Variants in NFIA observed in about 807,000 individuals in gnomAD.
NFIA encodes nuclear factor I A.
NFIA carries 8 observed loss-of-function variants against 62.8 expected under a neutral mutation model. That is an observed-to-expected ratio of 0.13 (90% CI 0.07 to 0.23). The LOEUF is 0.23. NFIA is among the 10% of genes least tolerant of loss of function. The pLI is 1.00. For synonymous variants in NFIA, 235 were observed against 238.1 expected (o/e 0.99, Z 0.12); for missense variants, 410 against 642.1 (o/e 0.64, Z 3.91).
intron 2 of NFIA, among the ~76,000 whole-genome samples, chr1:61,128,203 T>A (rs1333092381): frequency 1.3e-5 from 2 of 152,062 alleles, no homozygotes; most frequent in Admixed American, 1.3e-4. Flanking sequence ...CCTGCCTCAG[T>A]CTCCCAAAGT....
chr1:61,316,603 C>T (rs986310369), intron 3 of NFIA, among the ~76,000 whole-genome samples: 1 of 152,136 alleles, frequency 6.6e-6, no homozygotes, highest in African/African-American at 2.4e-5. Context: ...ATGCTGATAA[C>T]CCTGATGAGA....
At chr1:61,368,288 C>T (rs191709307) in intron 6 of NFIA, among the ~76,000 whole-genome samples, 3 of 152,150 alleles carry the variant, frequency 2.0e-5, no homozygotes, top group Non-Finnish European at 2.9e-5. Flanking sequence ...GTACAGCCCC[C>T]GTGGCTCAGG....
At chr1:61,137,810 T>G (rs538120652) in intron 2 of NFIA, among the ~76,000 whole-genome samples, 1 of 152,360 alleles carries the variant, frequency 6.6e-6, no homozygotes, top group South Asian at 2.1e-4. Context: ...CTCTTGCTTG[T>G]TTGGAAGAAG....
chr1:61,287,666 A>C (rs180867060), intron 3 of NFIA, among the ~76,000 whole-genome samples: 6,807 of 147,928 alleles, frequency 0.046, 160 homozygotes, highest in East Asian at 0.1. Context: ...ACCCCCCCCA[A>C]AAAAAACAAG....
rs1227031221 is a variant in NFIA at position 61,123,625 on chromosome 1, A to G, written c.559+34945A>G. On this transcript the variant is annotated intron_variant, in intron 2 of 10. Coordinates refer to ENST00000403491, the MANE Select transcript of NFIA (RefSeq NM_001134673.4). The stretch of plus-strand genomic sequence containing the variant: ...ATGGAAAGGCTCCATATTCTAGATG[A>G]ATGCATGCTTCCTCTTATGACTCTG... Among the ~76,000 whole-genome samples the G allele has an allele frequency of 2.0e-5, 3 of 152,204 alleles. 1 individual carries two copies. The highest frequency in any genetic ancestry group is 2.9e-5 in the Non-Finnish European group (2 of 68,030).
chr1:61,362,938 G>A (rs1434884279), intron 6 of NFIA, among the ~76,000 whole-genome samples: 3 of 152,182 alleles, frequency 2.0e-5, no homozygotes. Context: ...AATTGATAAT[G>A]CAGATAAACA....
intron 2 of NFIA, among the ~76,000 whole-genome samples, chr1:61,235,259 G>C (rs1004871717): frequency 7.2e-5 from 11 of 151,916 alleles, no homozygotes; most frequent in African/African-American, 2.7e-4. Flanking sequence ...TCAGGAGATC[G>C]AGACCATCCT....
At chr1:61,331,158 G>A (rs1661281092) in intron 3 of NFIA, among the ~76,000 whole-genome samples, 1 of 152,056 alleles carries the variant, frequency 6.6e-6, no homozygotes, top group Admixed American at 6.6e-5. Context: ...ATTTCAAAAA[G>A]CCATTTACAA....
At chr1:61,197,726 A>C (rs188221170) in intron 2 of NFIA, among the ~76,000 whole-genome samples, 72 of 152,014 alleles carry the variant, frequency 4.7e-4, no homozygotes, top group Non-Finnish European at 2.5e-4. Flanking sequence ...TCATGCCTGT[A>C]ATCCCAGCAC....
intron 2 of NFIA, among the ~76,000 whole-genome samples, chr1:61,258,262 A>C (rs569244745): frequency 6.6e-6 from 1 of 152,350 alleles, no homozygotes; most frequent in South Asian, 2.1e-4. Flanking sequence ...TTGTGTATAC[A>C]TCATGCCAAA....
At chr1:61,452,994 T>C (rs1266283202) in intron 10 of NFIA, among the ~76,000 whole-genome samples, 3 of 152,076 alleles carry the variant, frequency 2.0e-5, no homozygotes, top group African/African-American at 7.2e-5. Flanking sequence ...CATGCAAATA[T>C]CCACCCCCCA....
chr1:61,333,945 A>C (rs1431059814), intron 4 of NFIA, among the ~76,000 whole-genome samples: 1 of 152,200 alleles, frequency 6.6e-6, no homozygotes, highest in East Asian at 1.9e-4. Flanking sequence ...GGTTGCAGTG[A>C]GCTGAGATCA....
In NFIA at chr1:61,405,536, G is replaced by A. The variant is rs373608499; in HGVS notation, c.1255-1026G>A. Reference sequence around the variant, plus strand: ...TGGGACAGCAGAATCTCCTTCAACCGAATTTTGATTGGGGACTAAATGTGA... The same window carrying A: ...TGGGACAGCAGAATCTCCTTCAACCAAATTTTGATTGGGGACTAAATGTGA... On this transcript the variant is annotated intron_variant, in intron 8 of 10. Coordinates refer to ENST00000403491, the MANE Select transcript of NFIA (RefSeq NM_001134673.4). Among the ~76,000 whole-genome samples the A allele has an allele frequency of 7.9e-5, 12 of 152,252 alleles. No individual in the cohort carries two copies. The South Asian group carries it at 2.1e-3, about 26-fold the overall frequency.
In NFIA at chr1:61,456,815, A is replaced by G. The variant is rs1364908969; in HGVS notation, c.*1495A>G. 7.1e-6 allele frequency: 1 copy of G among 140,816 alleles called. No individual in the cohort carries two copies. 8.7% of individuals were successfully genotyped at this position (140,816 alleles called of 1,614,324 possible). A position where few individuals can be genotyped will look rare whatever the true frequency, so the allele number is the denominator to read the frequency against. ...CTTATGAAAAAAAAAACAAAAAACAAAAACAAAAAAAAAACACAAAAAACC... is the reference window on the plus strand; with the variant it reads ...CTTATGAAAAAAAAAACAAAAAACAGAAACAAAAAAAAAACACAAAAAACC... On this transcript the variant is annotated 3_prime_UTR_variant, in exon 11 of 11. Coordinates refer to ENST00000403491, the MANE Select transcript of NFIA (RefSeq NM_001134673.4).
At chr1:61,256,471 G>A (rs1050377533) in intron 2 of NFIA, among the ~76,000 whole-genome samples, 2 of 146,614 alleles carry the variant, frequency 1.4e-5, no homozygotes, top group South Asian at 2.2e-4. Flanking sequence ...TCATAATGTT[G>A]TAAGAAAGTT....
chr1:61,243,252 G>A (rs778445170), intron 2 of NFIA, among the ~76,000 whole-genome samples: 5 of 152,112 alleles, frequency 3.3e-5, no homozygotes, highest in Non-Finnish European at 7.4e-5. Flanking sequence ...AGCTATGGAG[G>A]CATTTAGAGG....
chr1:61,392,372 C>T (rs1283328186), intron 7 of NFIA, among the ~76,000 whole-genome samples: 1 of 151,982 alleles, frequency 6.6e-6, no homozygotes, highest in South Asian at 2.1e-4. Flanking sequence ...AGTCAGGAAG[C>T]GTGTAATTAA....
intron 4 of NFIA, among the ~76,000 whole-genome samples, chr1:61,339,593 A>G (rs1372834859): frequency 6.6e-6 from 1 of 152,194 alleles, no homozygotes; most frequent in East Asian, 1.9e-4. Context: ...AAATTTTCAA[A>G]ATAAATATTG....
intron 2 of NFIA, among the ~76,000 whole-genome samples, chr1:61,119,879 G>A (rs1268129384): frequency 6.6e-6 from 1 of 152,148 alleles, no homozygotes; most frequent in Admixed American, 6.5e-5. Flanking sequence ...CCTTGCCTCT[G>A]TATGCCCTGC....
Sources: gnomAD v4.1 joint callset for allele counts (sites outside exome capture counted in the v4.1 genomes callset) on GRCh38, gnomAD v4.1.1 for gene constraint, MANE v1.5 for transcripts, NCBI Gene and HGNC (gene_info 2026-07-23, HGNC 2026-07-21) for gene names.